PIGS: variants seen among roughly 807,000 people sequenced by gnomAD.
PIGS encodes the protein phosphatidylinositol glycan anchor biosynthesis class S.
A neutral mutation model predicts 58.2 loss-of-function variants in PIGS; 37 were observed. The observed-to-expected ratio is 0.64, with a 90% confidence interval of 0.49 to 0.84. The LOEUF (loss-of-function observed/expected upper bound fraction) is 0.84. PIGS is among the 40% of genes least tolerant of loss of function. The pLI is 0.00. For missense variants in PIGS, 629 were observed against 710.8 expected, an observed-to-expected ratio of 0.88 and a Z score of 1.31; for synonymous variants, 269 against 289.2, an observed-to-expected ratio of 0.93 and a Z score of 0.71.
In PIGS at chr17:28,554,427, G is replaced by A; in HGVS notation, c.1461C>T (p.Ala487=). Residue 487 remains alanine (A), a synonymous_variant, in exon 12 of 12, where the codon GCC becomes GCT. Transcript: ENST00000308360. ...TCACAGCTTCCTGGCTGGCGACAAA[G>A]GCAGATGCCAGGTGCCCAGACGCCA... The part of the protein sequence containing the change: ...EELASGHLAS[A]FVASQEAVTS... 1.2e-6 allele frequency: 2 copies of A among 1,614,200 alleles called. No homozygotes were observed. The highest frequency in any genetic ancestry group is 1.7e-6 in the Non-Finnish European group (2 of 1,180,044).
At chr17:28,569,978 C>G (rs1439172383) in intron 3 of PIGS, among the ~76,000 whole-genome samples, 5 of 152,206 alleles carry the variant, frequency 3.3e-5, no homozygotes, top group Admixed American at 6.5e-5. Context: ...TGAATTCCTA[C>G]ACATCCTTTA....
intron 5 of PIGS, among the ~76,000 whole-genome samples, chr17:28,562,002 T>G (rs2070367504): frequency 6.6e-6 from 1 of 152,230 alleles, no homozygotes; most frequent in South Asian, 2.1e-4. Context: ...ATAATAGCAT[T>G]ATTTCTAACA....
At chr17:28,557,710 T>A (rs2070339723) in intron 8 of PIGS, among the ~76,000 whole-genome samples, 1 of 152,248 alleles carries the variant, frequency 6.6e-6, no homozygotes, top group Non-Finnish European at 1.5e-5. Flanking sequence ...TCACTTTGGT[T>A]TGCCTGTGTT....
chr17:28,563,457 A>T lies in PIGS; in HGVS notation c.442T>A (p.Ser148Thr). The T allele has an allele frequency of 6.2e-7, 1 of 1,614,132 alleles. No individual in the cohort carries two copies. Among genetic ancestry groups the T allele is most frequent in the Middle Eastern group, 1.7e-4 (1 of 6,058 alleles). The change falls in exon 5 of 12, where the codon TCT becomes ACT. Residue 148 changes from serine to threonine, a missense_variant. Transcript: ENST00000308360. ...AEGSLTVYVI[S>T]EHSSLLPQDM... Reference sequence around the variant, plus strand: ...TGGGGAAGAAGTGAGGAGTGTTCAGATATCACGTACACAGTCAGGGAGCCC... The same window carrying T: ...TGGGGAAGAAGTGAGGAGTGTTCAGTTATCACGTACACAGTCAGGGAGCCC...
intron 6 of PIGS, 113 bp downstream of exon 6, chr17:28,561,309 A>G: frequency 1.4e-6 from 1 of 733,772 alleles, no homozygotes; most frequent in South Asian, 4.3e-5. Context: ...AAAATAAATA[A>G]GAAAAAAATT....
chr17:28,571,299 G>A (rs2070427778), intron 1 of PIGS, 111 bp from the exon 2 acceptor site: 5 of 1,522,408 alleles, frequency 3.3e-6, no homozygotes, highest in Non-Finnish European at 3.5e-6. Context: ...CGTTCATTGG[G>A]ATCTCCGTGC....
chr17:28,559,632 C>T (rs938381731), intron 7 of PIGS, among the ~76,000 whole-genome samples: 7 of 138,778 alleles, frequency 5.0e-5, no homozygotes, highest in Non-Finnish European at 6.1e-5. Context: ...ACCTGGGAGG[C>T]GGAGGTTGCA....
chr17:28,554,551 AG>A, intron 11 of PIGS, 56 bp from the exon 12 acceptor site: 3 of 1,571,246 alleles, frequency 1.9e-6, no homozygotes, highest in Non-Finnish European at 2.6e-6. Context: ...ATTGGTGGAA[AG>A]GGTGCTGGGC....
At position 28,554,385 on chromosome 17, in the gene PIGS, G is replaced by A; in HGVS notation, c.1503C>T (p.Ala501=). ...GGTGGAGGAGTGACGGGTCAAAGAA[G>A]GCAAGCTCAGAGGATGTCACAGCTT... ...SQEAVTSSEL[A]FFDPSLLHLL... The change falls in exon 12 of 12, where the codon GCC becomes GCT. Residue 501 remains alanine, a synonymous_variant. Coordinates refer to ENST00000308360, the MANE Select transcript of PIGS (RefSeq NM_033198.4). The A allele has an allele frequency of 6.2e-7, 1 of 1,614,204 alleles. No homozygotes were observed. Among genetic ancestry groups the A allele is most frequent in the Non-Finnish European group, 8.5e-7 (1 of 1,180,046 alleles).
chr17:28,556,676 A>G, intron 9 of PIGS, 151 bp downstream of exon 9: 1 of 1,014,062 alleles, frequency 9.9e-7, no homozygotes, highest in South Asian at 1.7e-5. Flanking sequence ...GAGGGGCATG[A>G]GCACATAGCA....
intron 3 of PIGS, among the ~76,000 whole-genome samples, chr17:28,567,232 T>C (rs190088247): frequency 5.3e-5 from 8 of 152,094 alleles, no homozygotes; most frequent in Non-Finnish European, 1.0e-4. Context: ...TACAACACAA[T>C]AGGAAGTACA....
At chr17:28,567,961 C>A (rs2070403273) in intron 3 of PIGS, among the ~76,000 whole-genome samples, 1 of 152,180 alleles carries the variant, frequency 6.6e-6, no homozygotes, top group Non-Finnish European at 1.5e-5. Flanking sequence ...GGTATTTACT[C>A]GAATGTCCTC....
intron 10 of PIGS, 45 bp downstream of exon 10, chr17:28,556,121 C>T: frequency 6.5e-7 from 1 of 1,542,848 alleles, no homozygotes; most frequent in Non-Finnish European, 9.0e-7. Flanking sequence ...CTCCCCTCTA[C>T]AGCCAAGGAG....
intron 7 of PIGS, among the ~76,000 whole-genome samples, chr17:28,559,515 A>G (rs895523864): frequency 1.3e-5 from 2 of 151,430 alleles, no homozygotes; most frequent in Admixed American, 6.6e-5. Flanking sequence ...CATCCTGGCC[A>G]ATGTGGTGAA....
chr17:28,560,255 A>G, intron 6 of PIGS, 64 bp from the exon 7 acceptor site: 2 of 1,537,830 alleles, frequency 1.3e-6, no homozygotes, highest in Non-Finnish European at 1.8e-6. Flanking sequence ...GGCAGCCTGT[A>G]CTCCCAGCTG....
chr17:28,559,992 C>A, intron 7 of PIGS, 57 bp downstream of exon 7: 1 of 1,539,654 alleles, frequency 6.5e-7, no homozygotes, highest in Admixed American at 2.1e-5. Context: ...GAACAGACTG[C>A]ACTTGTAAAT....
intron 8 of PIGS, among the ~76,000 whole-genome samples, chr17:28,558,035 T>C (rs779685334): frequency 6.6e-6 from 1 of 152,208 alleles, no homozygotes; most frequent in South Asian, 2.1e-4. Flanking sequence ...GGCTCAGGCA[T>C]AGTGGCTCAC....
chr17:28,571,362 C>A (rs1429205339), intron 1 of PIGS, 101 bp downstream of exon 1: 5 of 1,540,792 alleles, frequency 3.2e-6, no homozygotes, highest in Non-Finnish European at 2.6e-6. Context: ...GACCCCCGAG[C>A]CCCCCGTCCG....
rs150025597 is a variant in PIGS at position 28,556,930 on chromosome 17, A to G, written c.977T>C (p.Leu326Pro). The change falls in exon 9 of 12, where the codon CTC (leucine) becomes CCC (proline). Residue 326 changes from leucine to proline, a missense_variant. Physicochemically the swap from Leu to Pro is moderately conservative, Grantham distance 98 (BLOSUM62 -3). Transcript: ENST00000308360. ...TGAGTGTGCAAGCTCAGGCACGTAGAGTAGAAAGTTGAGCACAGGGTACAA... is the reference window on the plus strand; with the variant it reads ...TGAGTGTGCAAGCTCAGGCACGTAGGGTAGAAAGTTGAGCACAGGGTACAA... ...ASLYPVLNFLLYVPELAHSPL... is the reference protein window; with the variant it reads ...ASLYPVLNFLPYVPELAHSPL... 1.9e-6 allele frequency: 3 copies of G among 1,614,168 alleles called. No homozygotes were observed. In the African/African-American group the frequency reaches 4.0e-5, roughly 22 times the overall value.
Sources: allele counts gnomAD v4.1 joint callset (sites outside exome capture counted in the v4.1 genomes callset), GRCh38; gene constraint gnomAD v4.1.1; transcripts MANE v1.5; gene names NCBI Gene and HGNC (gene_info 2026-07-23, HGNC 2026-07-21).